The following OSBPL10 variants were observed in gnomAD, a reference collection of about 807,000 sequenced individuals.
OSBPL10 encodes oxysterol-binding protein-related protein 10.
OSBPL10 carries 49 observed loss-of-function variants against 81.7 expected under a neutral mutation model. That is an observed-to-expected ratio of 0.60 (90% confidence interval 0.48 to 0.76). The LOEUF (loss-of-function observed/expected upper bound fraction) is 0.76. Ranked by LOEUF, OSBPL10 falls within the 30% of genes least tolerant of loss-of-function variation. OSBPL10 has a pLI of 0.00. For synonymous variants in OSBPL10, 419 were observed against 383.6 expected, an observed-to-expected ratio of 1.09 and a Z score of -1.08; for missense variants, 923 against 987.8, an observed-to-expected ratio of 0.93 and a Z score of 0.88.
intron 4 of OSBPL10, among the ~76,000 whole-genome samples, chr3:31,772,006 C>T (rs779362155): frequency 3.6e-4 from 55 of 152,188 alleles, no homozygotes; most frequent in Middle Eastern, 3.2e-3. Flanking sequence ...ACATATTACA[C>T]TTCTCTTGCA....
At chr3:31,896,889 C>T (rs1341954341) in intron 1 of OSBPL10, among the ~76,000 whole-genome samples, 1 of 152,158 alleles carries the variant, frequency 6.6e-6, no homozygotes, top group Non-Finnish European at 1.5e-5. Context: ...TCCCTGGTTA[C>T]ACTTCAGTCC....
chr3:31,947,179 AT>A (rs1478022772), intron 1 of OSBPL10, among the ~76,000 whole-genome samples: 1 of 152,194 alleles, frequency 6.6e-6, no homozygotes, highest in African/African-American at 2.4e-5. Flanking sequence ...AACACAAAAA[AT>A]AAAGGATGGG....
intron 4 of OSBPL10, among the ~76,000 whole-genome samples, chr3:31,757,824 T>C (rs1011851400): frequency 6.6e-6 from 1 of 152,172 alleles, no homozygotes; most frequent in African/African-American, 2.4e-5. Context: ...AGACCAAAAA[T>C]ATACCACCCC....
At chr3:31,868,800 T>C (rs1701247257) in intron 3 of OSBPL10, among the ~76,000 whole-genome samples, 2 of 152,230 alleles carry the variant, frequency 1.3e-5, no homozygotes, top group African/African-American at 4.8e-5. Flanking sequence ...CTTTTTACCC[T>C]ACTTTTCACA....
At chr3:31,856,484 G>A (rs1575585365) in intron 3 of OSBPL10, among the ~76,000 whole-genome samples, 1 of 152,172 alleles carries the variant, frequency 6.6e-6, no homozygotes, top group Admixed American at 6.5e-5. Flanking sequence ...GCCAAGGGAA[G>A]AGTCAATCCT....
intron 1 of OSBPL10, among the ~76,000 whole-genome samples, chr3:31,961,019 T>C (rs943128076): frequency 6.6e-6 from 1 of 151,126 alleles, no homozygotes; most frequent in Non-Finnish European, 1.5e-5. Flanking sequence ...GACCTCCTTC[T>C]GTCAATGTTT....
intron 10 of OSBPL10, 74 bp from the exon 11 acceptor site, chr3:31,664,306 C>G: frequency 6.6e-7 from 1 of 1,518,308 alleles, no homozygotes; most frequent in Non-Finnish European, 9.0e-7. Flanking sequence ...CTGCCAGGAG[C>G]AGCCAGAGCA....
At chr3:31,810,990 T>C (rs1188395817) in intron 4 of OSBPL10, among the ~76,000 whole-genome samples, 1 of 152,146 alleles carries the variant, frequency 6.6e-6, no homozygotes, top group Non-Finnish European at 1.5e-5. Flanking sequence ...AGTGCTAAGT[T>C]TCCAGGTGTC....
chr3:31,713,913 C>G (rs573806710), intron 6 of OSBPL10: 1 of 152,232 alleles, frequency 6.6e-6, no homozygotes, highest in African/African-American at 2.4e-5. Context: ...ATGTTTTGCT[C>G]GCCGCTGTGG....
chr3:31,775,390 G>A (rs940237415), intron 4 of OSBPL10, among the ~76,000 whole-genome samples: 9 of 152,084 alleles, frequency 5.9e-5, no homozygotes, highest in African/African-American at 2.2e-4. Flanking sequence ...GGACTCTAGA[G>A]GGGTAAAAAG....
rs963182087 is a variant in OSBPL10, at chr3:31,876,207, G to A, written c.537+226C>T. On this transcript the variant is annotated intron_variant, in intron 3 of 11. Transcript: ENST00000396556. Reference sequence around the variant, plus strand: ...AACAGAATGCAAAAGTGTCTTTCCAGATTCGGTTCCCATAGTGTCTGCGTG... The same window carrying A: ...AACAGAATGCAAAAGTGTCTTTCCAAATTCGGTTCCCATAGTGTCTGCGTG... Among the ~76,000 whole-genome samples the A allele has an allele frequency of 3.3e-5, 5 of 152,264 alleles. No individual in the cohort carries two copies. In the South Asian group the frequency reaches 1.0e-3, roughly 32 times the overall value.
chr3:31,674,422 T>A (rs1700403214), intron 8 of OSBPL10, among the ~76,000 whole-genome samples: 1 of 152,030 alleles, frequency 6.6e-6, no homozygotes, highest in African/African-American at 2.4e-5. Context: ...TAGCTGTGCA[T>A]GGTGGTGAGC....
rs2125547678 is a variant in OSBPL10 at position 31,683,803 on chromosome 3, G to T, written c.1557C>A (p.Asp519Glu). 1 of 1,614,222 alleles carries T rather than the reference G, an allele frequency of 6.2e-7. No individual in the cohort carries two copies. Among genetic ancestry groups the T allele is most frequent in the Admixed American group, 1.7e-5 (1 of 60,020 alleles). The change falls in exon 8 of 12, where the codon GAC becomes GAA. Residue 519 changes from aspartate to glutamate, a missense_variant. This residue lies in a region of OSBPL10 where 387 missense variants were observed against 436.3 expected (regional missense o/e 0.89). Transcript: ENST00000396556. Reference protein sequence around the residue: ...ASCHEHPMADDPSKSYKLRFV... With the variant: ...ASCHEHPMADEPSKSYKLRFV... ...ACCTTAGTTTGTAGCTTTTGGAAGG[G>T]TCATCGGCCATTGGGTGTTCGTGAC... is the stretch of plus-strand genomic sequence containing the variant.
At chr3:31,837,558 A>G (rs1700391153) in intron 3 of OSBPL10, among the ~76,000 whole-genome samples, 1 of 151,476 alleles carries the variant, frequency 6.6e-6, no homozygotes, top group Non-Finnish European at 1.5e-5. Context: ...TTAATATTAG[A>G]AACAAGAATT....
chr3:31,899,992 A>G (rs1575605933), intron 1 of OSBPL10, among the ~76,000 whole-genome samples: 3 of 151,018 alleles, frequency 2.0e-5, no homozygotes, highest in East Asian at 3.9e-4. Flanking sequence ...TTAAAACTGC[A>G]TATTTATTTA....
At chr3:31,886,031 G>GA in intron 1 of OSBPL10, among the ~76,000 whole-genome samples, 1 of 136,900 alleles carries the variant, frequency 7.3e-6, no homozygotes, top group Non-Finnish European at 1.6e-5. Context: ...AAGAAAGAAA[G>GA]GAGAAGGAGA....
intron 1 of OSBPL10, among the ~76,000 whole-genome samples, chr3:31,932,305 C>T (rs561241332): frequency 6.6e-6 from 1 of 152,280 alleles, no homozygotes; most frequent in East Asian, 1.9e-4. Flanking sequence ...AGTTTCTTTG[C>T]TTAGCTTAAA....
At chr3:31,806,808 T>C (rs1012287164) in intron 4 of OSBPL10, among the ~76,000 whole-genome samples, 2 of 151,576 alleles carry the variant, frequency 1.3e-5, no homozygotes, top group African/African-American at 4.8e-5. Context: ...GGGGGAGCCA[T>C]GTGGGTGGAT....
At chr3:31,873,455 T>TC (rs955788609) in intron 3 of OSBPL10, among the ~76,000 whole-genome samples, 3 of 152,204 alleles carry the variant, frequency 2.0e-5, no homozygotes, top group African/African-American at 7.2e-5. Context: ...ACAGGCTGGG[T>TC]CATCCTTAAA....
Sources: allele counts gnomAD v4.1 joint callset (sites outside exome capture counted in the v4.1 genomes callset), GRCh38; gene constraint gnomAD v4.1.1; regional missense constraint gnomAD v4.1.1; transcripts MANE v1.5; gene names NCBI Gene and HGNC (gene_info 2026-07-23, HGNC 2026-07-21).